FCHSD2: variants seen among roughly 807,000 people sequenced by gnomAD.
The protein encoded by FCHSD2 is FCH and double SH3 domains 2, also known as F-BAR and double SH3 domains protein 2.
Under a neutral mutation model 108.1 loss-of-function variants are expected in FCHSD2, and 38 were observed. The observed-to-expected ratio is 0.35, with a 90% CI of 0.27 to 0.46. The LOEUF (loss-of-function observed/expected upper bound fraction) is 0.46, where lower values mean the gene tolerates loss of function less well. FCHSD2 is among the 20% of genes least tolerant of loss of function. The pLI is 1.00. For synonymous variants in FCHSD2, 279 were observed against 314.7 expected (o/e 0.89, Z 1.20); for missense variants, 751 against 897.8 (o/e 0.84, Z 2.09).
At chr11:72,943,279 T>A (rs998015429) in intron 8 of FCHSD2, among the ~76,000 whole-genome samples, 1 of 152,194 alleles carries the variant, frequency 6.6e-6, no homozygotes, top group East Asian at 1.9e-4. Context: ...AGGCATGACC[T>A]ACTTTGCCCA....
At chr11:73,039,569 T>C (rs1335020024) in intron 3 of FCHSD2, among the ~76,000 whole-genome samples, 1 of 152,034 alleles carries the variant, frequency 6.6e-6, no homozygotes, top group African/African-American at 2.4e-5. Context: ...CATGTAAGTT[T>C]GTCACAGGTG....
intron 3 of FCHSD2, among the ~76,000 whole-genome samples, chr11:73,074,178 T>C (rs1591532772): frequency 1.3e-5 from 2 of 152,150 alleles, no homozygotes; most frequent in South Asian, 2.1e-4. Context: ...TGCCACAAAA[T>C]ATCACTTCAA....
chr11:73,047,238 T>A (rs1036935613), intron 3 of FCHSD2, among the ~76,000 whole-genome samples: 1 of 148,752 alleles, frequency 6.7e-6, no homozygotes, highest in Non-Finnish European at 1.5e-5. Flanking sequence ...AAAACTACCA[T>A]TTTTTTTTTA....
At chr11:73,103,485 T>C (rs999475101) in intron 2 of FCHSD2, among the ~76,000 whole-genome samples, 9 of 152,172 alleles carry the variant, frequency 5.9e-5, no homozygotes, top group South Asian at 2.1e-4. Flanking sequence ...GTGAACCAAA[T>C]ATCTGCCGCC....
intron 12 of FCHSD2, among the ~76,000 whole-genome samples, chr11:72,874,688 A>T (rs1178045994): frequency 6.6e-6 from 1 of 152,222 alleles, no homozygotes; most frequent in East Asian, 1.9e-4. Flanking sequence ...TCAGTATTTT[A>T]TCAAACAACA....
chr11:73,083,571 C>T, intron 3 of FCHSD2, 124 bp downstream of exon 3: 1 of 502,096 alleles, frequency 2.0e-6, no homozygotes, highest in Non-Finnish European at 3.5e-6. Context: ...AAAAAAAAAA[C>T]AAGAAAGAAA....
intron 2 of FCHSD2, among the ~76,000 whole-genome samples, chr11:73,115,069 G>T (rs1399723081): frequency 6.6e-6 from 1 of 152,238 alleles, no homozygotes; most frequent in Admixed American, 6.5e-5. Context: ...TTAGCCTGCA[G>T]TGGCAAGGCG....
At chr11:73,072,536 TATAAG>T (rs947760470) in intron 3 of FCHSD2, among the ~76,000 whole-genome samples, 2 of 152,206 alleles carry the variant, frequency 1.3e-5, no homozygotes, top group Admixed American at 6.5e-5. Flanking sequence ...TAAACACTGT[TATAAG>T]ATAAGGAAAA....
At chr11:72,960,244 ACTCAT>A (rs1856798180) in intron 8 of FCHSD2, among the ~76,000 whole-genome samples, 1 of 151,832 alleles carries the variant, frequency 6.6e-6, no homozygotes, top group South Asian at 2.1e-4. Context: ...ATGTGAACTC[ACTCAT>A]TACTGTGAGG....
chr11:72,909,992 G>A lies in FCHSD2; in HGVS notation c.829-7354C>T, dbSNP rs1422141797. Among the ~76,000 whole-genome samples the A allele has an allele frequency of 1.0e-4, 14 of 139,828 alleles. 1 individual carries two copies. Among genetic ancestry groups the A allele is most frequent in the African/African-American group, 1.4e-4 (5 of 36,852 alleles). 91.7% of individuals were successfully genotyped at this position (139,828 alleles called of 152,430 possible). Reference sequence around the variant, plus strand: ...TGGGAGGTGAGGAGCACCTCTGCCCGGCCGCCCCATCTAGGAAGTGAGGAG... The same window carrying A: ...TGGGAGGTGAGGAGCACCTCTGCCCAGCCGCCCCATCTAGGAAGTGAGGAG... On this transcript the variant is annotated intron_variant, in intron 9 of 19. Coordinates refer to ENST00000409418, the MANE Select transcript of FCHSD2 (RefSeq NM_014824.3).
intron 8 of FCHSD2, among the ~76,000 whole-genome samples, chr11:72,976,027 T>A (rs1024068204): frequency 6.6e-6 from 1 of 152,200 alleles, no homozygotes; most frequent in South Asian, 2.1e-4. Context: ...AAGGAACATG[T>A]GAGGAACAAA....
At chr11:72,905,346 G>T (rs999417766) in intron 9 of FCHSD2, among the ~76,000 whole-genome samples, 1 of 152,058 alleles carries the variant, frequency 6.6e-6, no homozygotes, top group Non-Finnish European at 1.5e-5. Flanking sequence ...TTTGATACAG[G>T]ACTACAATGT....
intron 3 of FCHSD2, among the ~76,000 whole-genome samples, chr11:73,052,998 C>A (rs1361701856): frequency 1.3e-5 from 2 of 152,078 alleles, no homozygotes; most frequent in African/African-American, 2.4e-5. Context: ...AGATGCCCGC[C>A]ACCACACCTA....
chr11:72,866,266 GTTTT>G (rs1854719928), intron 13 of FCHSD2, among the ~76,000 whole-genome samples: 3 of 151,510 alleles, frequency 2.0e-5, no homozygotes, highest in Non-Finnish European at 2.9e-5. Flanking sequence ...TTTTTGTTTT[GTTTT>G]GTTTTTTTTG....
At chr11:72,971,586 C>A (rs973129034) in intron 8 of FCHSD2, among the ~76,000 whole-genome samples, 23 of 152,228 alleles carry the variant, frequency 1.5e-4, no homozygotes, top group African/African-American at 4.6e-4. Flanking sequence ...CCTGAGAGCA[C>A]CTCTAGGAGC....
intron 8 of FCHSD2, among the ~76,000 whole-genome samples, chr11:72,947,757 A>ATGC (rs67691008): frequency 6.6e-6 from 1 of 151,370 alleles, no homozygotes; most frequent in South Asian, 2.1e-4. Context: ...TAATTTTCTC[A>ATGC]TAAAGAAAAT....
intron 19 of FCHSD2, among the ~76,000 whole-genome samples, chr11:72,839,786 T>C (rs1860852735): frequency 6.6e-6 from 1 of 152,100 alleles, no homozygotes; most frequent in Non-Finnish European, 1.5e-5. Context: ...AGAGATCGGA[T>C]TGGCAGTTAT....
At chr11:72,875,361 T>G (rs557086635) in intron 12 of FCHSD2, among the ~76,000 whole-genome samples, 245 of 152,352 alleles carry the variant, frequency 1.6e-3, no homozygotes, top group African/African-American at 5.0e-3. Context: ...TATCTATCTA[T>G]CTAGCTAGCT....
At chr11:73,007,660 G>T (rs937986243) in intron 4 of FCHSD2, among the ~76,000 whole-genome samples, 4 of 151,998 alleles carry the variant, frequency 2.6e-5, no homozygotes, top group South Asian at 2.1e-4. Context: ...AGAAAAGAAA[G>T]AAATCAAGAA....
Sources: allele counts gnomAD v4.1 joint callset (sites outside exome capture counted in the v4.1 genomes callset), GRCh38; gene constraint gnomAD v4.1.1; transcripts MANE v1.5; gene names NCBI Gene and HGNC (gene_info 2026-07-23, HGNC 2026-07-21).